Variants in LAMA1 observed in about 807,000 individuals in gnomAD.
The protein encoded by LAMA1 is laminin subunit alpha-1.
LAMA1 carries 219 observed loss-of-function variants against 348.7 expected under a neutral mutation model. The observed-to-expected ratio is 0.63, with a 90% CI of 0.56 to 0.70. LAMA1 has a LOEUF of 0.70. Among genes scored for constraint, LAMA1 ranks in the 30% least tolerant of loss-of-function variants. The pLI is 0.00. For missense variants in LAMA1, 3,744 were observed against 3,888.0 expected (o/e 0.96, Z 0.99); for synonymous variants, 1,487 against 1,491.0 (o/e 1.00, Z 0.06).
At chr18:7,038,210 G>A (rs181091708) in intron 11 of LAMA1, among the ~76,000 whole-genome samples, 1 of 152,162 alleles carries the variant, frequency 6.6e-6, no homozygotes, top group Non-Finnish European at 1.5e-5. Context: ...TCCCCCCAGC[G>A]TGGTGTCCAC....
chr18:6,976,214 A>G, intron 44 of LAMA1, 134 bp from the exon 45 acceptor site: 1 of 821,920 alleles, frequency 1.2e-6, no homozygotes, highest in South Asian at 1.4e-5. Flanking sequence ...ACAATGGTTC[A>G]TGTTTCATGA....
intron 1 of LAMA1, 22 bp downstream of exon 1, chr18:7,117,638 C>T (rs2058363402): frequency 6.3e-7 from 1 of 1,595,292 alleles, no homozygotes; most frequent in East Asian, 2.2e-5. Flanking sequence ...GACAGGGACC[C>T]TAGGACCCGG....
intron 1 of LAMA1, among the ~76,000 whole-genome samples, chr18:7,113,906 C>G (rs957477362): frequency 6.6e-6 from 1 of 152,014 alleles, no homozygotes; most frequent in Admixed American, 6.6e-5. Flanking sequence ...GAAACCCCGT[C>G]TCTACTAAAG....
At chr18:6,966,521 T>C (rs2057634082) in intron 48 of LAMA1, among the ~76,000 whole-genome samples, 1 of 152,224 alleles carries the variant, frequency 6.6e-6, no homozygotes, top group Admixed American at 6.5e-5. Context: ...TAGGCAGTAT[T>C]CATTGTGGTA....
At chr18:7,085,620 A>G (rs9949180) in intron 1 of LAMA1, among the ~76,000 whole-genome samples, 11,558 of 151,702 alleles carry the variant, frequency 0.076, 913 homozygotes, top group African/African-American at 0.2. Flanking sequence ...GGGTTTCACC[A>G]CGTTAGCCAG....
chr18:7,081,483 T>TA (rs2058193226), intron 1 of LAMA1, among the ~76,000 whole-genome samples: 1 of 152,210 alleles, frequency 6.6e-6, no homozygotes, highest in Non-Finnish European at 1.5e-5. Context: ...AACACAAAGA[T>TA]ACAGTTTTCA....
intron 30 of LAMA1, among the ~76,000 whole-genome samples, chr18:7,000,916 A>G (rs2057804848): frequency 6.6e-6 from 1 of 152,242 alleles, no homozygotes; most frequent in Non-Finnish European, 1.5e-5. Context: ...TGAGATTCAG[A>G]GCACACAAGA....
At chr18:7,092,487 G>A (rs1308422164) in intron 1 of LAMA1, among the ~76,000 whole-genome samples, 1 of 152,152 alleles carries the variant, frequency 6.6e-6, no homozygotes, top group Non-Finnish European at 1.5e-5. Context: ...TTAGCCGGGC[G>A]TGGTGGCACG....
rs964394716 is a variant in LAMA1, at chr18:7,039,999, T to C, written c.1422+77A>G. The C allele has an allele frequency of 4.7e-5, 72 of 1,539,512 alleles. No homozygotes were observed. In the East Asian group the frequency reaches 1.6e-3, roughly 33 times the overall value. ...TACCACTTTGCTCAAGAACTGATCA[T>C]TGGAGCCAATGGAAAACACTCCTTT... is the stretch of plus-strand genomic sequence containing the variant. On this transcript the variant is annotated intron_variant, in intron 10 of 62. Transcript: ENST00000389658.
At position 6,958,602 on chromosome 18, in the gene LAMA1, T is replaced by C; in HGVS notation, c.7839A>G (p.Val2613=). The C allele has an allele frequency of 6.2e-7, 1 of 1,614,238 alleles. No individual in the cohort carries two copies. The highest frequency in any genetic ancestry group is 8.5e-7 in the Non-Finnish European group (1 of 1,180,018). The change falls in exon 55 of 63, where the codon GTA becomes GTG. Residue 2613 remains valine (V), a synonymous_variant. Transcript: ENST00000389658. ...TGGACACATTTATCGTCCTGCTTTCTACTAATGTGCCCAACTTCATTTCCA... is the reference window on the plus strand; with the variant it reads ...TGGACACATTTATCGTCCTGCTTTCCACTAATGTGCCCAACTTCATTTCCA... ...NPVEMKLGTL[V]ESRTINVSNL... is the part of the protein sequence containing the mutation.
At chr18:6,997,168 A>G (rs1425355603) in intron 33 of LAMA1, among the ~76,000 whole-genome samples, 1 of 151,886 alleles carries the variant, frequency 6.6e-6, no homozygotes, top group Non-Finnish European at 1.5e-5. Context: ...GGTTCAAGCA[A>G]TTCTCCTGCC....
chr18:6,982,339 C>T (rs542657758), intron 41 of LAMA1, among the ~76,000 whole-genome samples, 158 bp downstream of exon 41: 61 of 152,188 alleles, frequency 4.0e-4, no homozygotes, highest in Admixed American at 1.7e-3. Flanking sequence ...GAAGTTTATA[C>T]GATAGGAAAA....
Position 7,037,566 on chromosome 18 carries a change from G to A in LAMA1, c.1737+12C>T, listed in dbSNP as rs1251743388. The A allele has an allele frequency of 6.2e-7, 1 of 1,613,748 alleles. No individual in the cohort carries two copies. Among genetic ancestry groups the A allele is most frequent in the East Asian group, 2.2e-5 (1 of 44,852 alleles). On this transcript the variant is annotated intron_variant, in intron 12 of 62. Transcript: ENST00000389658. ...TCATCTGAGACATCGCTACCTGCAG[G>A]GTCACACGCACCTTATTTCCAAGGT...
rs753317187 is a variant in LAMA1, at chr18:6,971,841, C to T, written c.6899+16G>A. The T allele has an allele frequency of 2.4e-5, 38 of 1,613,846 alleles. No homozygotes were observed. The highest frequency in any genetic ancestry group is 3.1e-5 in the Non-Finnish European group (36 of 1,179,976). ...CAGAATAACATACTATGTGCTAAAC[C>T]GTGACGACATCTTACCTTCCGAAGC... On this transcript the variant is annotated intron_variant, in intron 48 of 62. Coordinates refer to ENST00000389658, the MANE Select transcript of LAMA1 (RefSeq NM_005559.4).
chr18:6,996,762 G>A (rs766338400), intron 33 of LAMA1, among the ~76,000 whole-genome samples: 25 of 152,092 alleles, frequency 1.6e-4, no homozygotes, highest in Non-Finnish European at 1.2e-4. Context: ...CTGGGTGACT[G>A]AGGGAGACCC....
intron 40 of LAMA1, 59 bp from the exon 41 acceptor site, chr18:6,982,649 G>C: frequency 2.2e-6 from 3 of 1,367,318 alleles, no homozygotes; most frequent in Non-Finnish European, 3.1e-6. Flanking sequence ...TCCTGCTGGG[G>C]ACAGAGGAAG....
intron 3 of LAMA1, among the ~76,000 whole-genome samples, chr18:7,073,715 C>G (rs1263773004): frequency 6.6e-6 from 1 of 152,130 alleles, no homozygotes; most frequent in Non-Finnish European, 1.5e-5. Context: ...TAATGCTGCT[C>G]TGAACACTGG....
At chr18:7,031,043 A>C (rs1047297440) in intron 16 of LAMA1, among the ~76,000 whole-genome samples, 4 of 152,190 alleles carry the variant, frequency 2.6e-5, no homozygotes, top group Admixed American at 2.0e-4. Flanking sequence ...GCAAAACAAA[A>C]GTTTTACTTA....
In LAMA1 at chr18:7,079,994, A is replaced by T. The variant is rs2058186300; in HGVS notation, c.326T>A (p.Ile109Asn). ...QNGREYHWVT[I>N]TLDLRQVFQV... Reference sequence around the variant, plus strand: ...ACCTACCTGTCTTAAGTCCAGAGTGATTGTGACCCAGTGATATTCTCTCCC... The same window carrying T: ...ACCTACCTGTCTTAAGTCCAGAGTGTTTGTGACCCAGTGATATTCTCTCCC... The change falls in exon 3 of 63, where the codon ATC (isoleucine) becomes AAC (asparagine). Residue 109 changes from isoleucine to asparagine, a missense_variant. Physicochemically the swap from Ile to Asn is moderately radical, Grantham distance 149. Transcript: ENST00000389658. The T allele has an allele frequency of 6.2e-7, 1 of 1,613,780 alleles. No individual in the cohort carries two copies. The highest frequency in any genetic ancestry group is 2.2e-5 in the East Asian group (1 of 44,876).
Sources: gnomAD v4.1 joint callset for allele counts (sites outside exome capture counted in the v4.1 genomes callset) on GRCh38, gnomAD v4.1.1 for gene constraint, MANE v1.5 for transcripts, NCBI Gene and HGNC (gene_info 2026-07-23, HGNC 2026-07-21) for gene names.